UST: variants seen among roughly 807,000 people sequenced by gnomAD.
UST encodes chondroitin sulfate 2-O-sulfotransferase.
In UST, 21 loss-of-function variants were observed where a neutral mutation model predicts 45.6. The observed-to-expected ratio is 0.46, with a 90% CI of 0.33 to 0.66. The LOEUF is 0.66. Ranked by LOEUF, UST falls within the 30% of genes least tolerant of loss-of-function variation. The pLI is 0.02. For missense variants in UST, 463 were observed against 512.4 expected, an observed-to-expected ratio of 0.90 and a Z score of 0.93; for synonymous variants, 215 against 200.6, an observed-to-expected ratio of 1.07 and a Z score of -0.61.
At chr6:148,867,653 C>T (rs191062169) in intron 1 of UST, among the ~76,000 whole-genome samples, 248 of 152,190 alleles carry the variant, frequency 1.6e-3, no homozygotes, top group Middle Eastern at 3.4e-3. Flanking sequence ...TCGCTTGGCT[C>T]TCATGCTCTC....
intron 2 of UST, among the ~76,000 whole-genome samples, chr6:148,893,274 A>G (rs1779054558): frequency 6.6e-6 from 1 of 152,226 alleles, no homozygotes; most frequent in African/African-American, 2.4e-5. Context: ...GCAATCTCCA[A>G]ATGAATGAGA....
chr6:148,793,498 G>A (rs972595195), intron 1 of UST, among the ~76,000 whole-genome samples: 5 of 152,146 alleles, frequency 3.3e-5, no homozygotes, highest in Non-Finnish European at 7.3e-5. Context: ...AACTTCATAT[G>A]CAGTCATGTG....
At chr6:148,804,704 A>G (rs1303848026) in intron 1 of UST, among the ~76,000 whole-genome samples, 3 of 152,042 alleles carry the variant, frequency 2.0e-5, no homozygotes, top group Non-Finnish European at 4.4e-5. Flanking sequence ...TGGAAATGTG[A>G]TTTCATATTA....
chr6:148,925,143 A>C (rs1779787481), intron 2 of UST, among the ~76,000 whole-genome samples: 1 of 152,162 alleles, frequency 6.6e-6, no homozygotes. Flanking sequence ...TTTACAATGA[A>C]CTTGAGCTCT....
At chr6:148,784,940 T>A (rs1036804844) in intron 1 of UST, among the ~76,000 whole-genome samples, 3 of 152,210 alleles carry the variant, frequency 2.0e-5, no homozygotes, top group Non-Finnish European at 4.4e-5. Flanking sequence ...CCGGGCGCAG[T>A]GGCTCGTGCC....
intron 1 of UST, among the ~76,000 whole-genome samples, chr6:148,841,581 G>GTTTTTTTTTTTTTTT (rs770638985): frequency 1.8e-5 from 2 of 111,290 alleles, no homozygotes; most frequent in African/African-American, 3.4e-5. Flanking sequence ...GGTCTGTTTT[G>GTTTTTTTTTTTTTTT]TTTTTGTTTT....
At chr6:148,871,145 T>TCTCTCTCTCTCTCTCTCTCC (rs1032229926) in intron 1 of UST, among the ~76,000 whole-genome samples, 2 of 135,106 alleles carry the variant, frequency 1.5e-5, no homozygotes, top group Admixed American at 7.5e-5. Flanking sequence ...TCTCTCTCTC[T>TCTCTCTCTCTCTCTCTCTCC]CCCTCTCTCC....
intron 5 of UST, among the ~76,000 whole-genome samples, chr6:148,979,712 C>G (rs1781092333): frequency 6.6e-6 from 1 of 152,226 alleles, no homozygotes; most frequent in Non-Finnish European, 1.5e-5. Flanking sequence ...AGTGATGACA[C>G]TGTTCTTCCT....
chr6:148,873,815 C>T (rs1778602049), intron 1 of UST, among the ~76,000 whole-genome samples: 1 of 152,252 alleles, frequency 6.6e-6, no homozygotes, highest in East Asian at 1.9e-4. Context: ...AGCATCAATG[C>T]TGATCACTGA....
chr6:148,992,795 G>T (rs888720124), intron 5 of UST, among the ~76,000 whole-genome samples: 5 of 152,160 alleles, frequency 3.3e-5, no homozygotes, highest in African/African-American at 1.2e-4. Flanking sequence ...AGGAGCATAT[G>T]GATGGCCCCT....
In UST at chr6:149,074,047, A is replaced by G; in HGVS notation, c.1152A>G (p.Glu384=). ...RPHFFIPTPL[E]TEEPIDDEEQ... ...ACTTCTTTATCCCAACTCCACTGGA[A>G]ACCGAGGAGCCAATCGACGATGAAG... The change falls in exon 8 of 8, where the codon GAA becomes GAG. Residue 384 remains glutamate, a synonymous_variant. Coordinates refer to ENST00000367463, the MANE Select transcript of UST (RefSeq NM_005715.3). The G allele has an allele frequency of 6.2e-7, 1 of 1,614,236 alleles. No homozygotes were observed. Among genetic ancestry groups the G allele is most frequent in the South Asian group, 1.1e-5 (1 of 91,088 alleles).
At chr6:148,996,411 GT>G (rs1456806165) in intron 5 of UST, among the ~76,000 whole-genome samples, 1 of 152,144 alleles carries the variant, frequency 6.6e-6, no homozygotes, top group African/African-American at 2.4e-5. Context: ...TAAAGATGGG[GT>G]TTTGCCATGT....
At chr6:148,878,248 CGTGT>C (rs1778740752) in intron 1 of UST, among the ~76,000 whole-genome samples, 1 of 90,906 alleles carries the variant, frequency 1.1e-5, no homozygotes, top group Non-Finnish European at 2.0e-5. Flanking sequence ...GTGCGGAGAT[CGTGT>C]ATGAGTGCGG....
chr6:149,052,085 A>G (rs182051823), intron 7 of UST, among the ~76,000 whole-genome samples: 16 of 152,346 alleles, frequency 1.1e-4, no homozygotes, highest in Admixed American at 3.9e-4. Context: ...TGTATACTGT[A>G]AGGGATATGA....
chr6:148,833,898 T>C (rs1042550918), intron 1 of UST, among the ~76,000 whole-genome samples: 1 of 152,260 alleles, frequency 6.6e-6, no homozygotes, highest in African/African-American at 2.4e-5. Flanking sequence ...GCGTAAACCG[T>C]GACAGTTTAA....
rs117539586 is a variant in UST at position 149,050,387 on chromosome 6, T to C, written c.938-23446T>C. Reference sequence around the variant, plus strand: ...TGAAATATGCATCCTTTATTTGTTTTTCATTGAGTGATTACAGATGGCACC... The same window carrying C: ...TGAAATATGCATCCTTTATTTGTTTCTCATTGAGTGATTACAGATGGCACC... On this transcript the variant is annotated intron_variant, in intron 7 of 7. Transcript: ENST00000367463. Among the ~76,000 whole-genome samples, 104 of 152,338 alleles carry C rather than the reference T, an allele frequency of 6.8e-4. No individual in the cohort carries two copies. In the East Asian group the frequency reaches 0.017, roughly 25 times the overall value.
At chr6:148,780,267 C>G (rs953845579) in intron 1 of UST, among the ~76,000 whole-genome samples, 2 of 152,038 alleles carry the variant, frequency 1.3e-5, no homozygotes, top group Admixed American at 6.5e-5. Flanking sequence ...ATCAGCACCA[C>G]TTCTCATTTT....
chr6:149,064,762 G>C (rs551871141), intron 7 of UST, among the ~76,000 whole-genome samples: 51 of 152,234 alleles, frequency 3.4e-4, no homozygotes, highest in African/African-American at 1.2e-3. Context: ...AGGCAAACTG[G>C]AAAGCCCTGG....
intron 7 of UST, among the ~76,000 whole-genome samples, chr6:149,065,529 G>A (rs1776718507): frequency 6.6e-6 from 1 of 152,158 alleles, no homozygotes. Flanking sequence ...CATGAAAGCT[G>A]CCCTGGTTAT....
Sources: gnomAD v4.1 joint callset for allele counts (sites outside exome capture counted in the v4.1 genomes callset) on GRCh38, gnomAD v4.1.1 for gene constraint, MANE v1.5 for transcripts, NCBI Gene and HGNC (gene_info 2026-07-23, HGNC 2026-07-21) for gene names.